Variants in TECR observed in about 807,000 individuals in gnomAD.
TECR encodes the protein trans-2,3-enoyl-CoA reductase.
In TECR, 19 loss-of-function variants were observed where a neutral mutation model predicts 50.6. The observed-to-expected ratio is 0.38, with a 90% confidence interval of 0.26 to 0.55. TECR has a LOEUF of 0.55. Among genes scored for constraint, TECR ranks in the 20% least tolerant of loss-of-function variants. The probability of loss-of-function intolerance (pLI) is 0.79; values close to 1 mark genes in which losing one functional copy is unlikely to be tolerated. For missense variants in TECR, 313 were observed against 408.3 expected (o/e 0.77, Z 2.01); for synonymous variants, 168 against 163.5 (o/e 1.03, Z -0.21).
At chr19:14,559,814 A>G (rs2073850635) in intron 1 of TECR, among the ~76,000 whole-genome samples, 1 of 150,976 alleles carries the variant, frequency 6.6e-6, no homozygotes, top group Non-Finnish European at 1.5e-5. Flanking sequence ...ATAGAGACAC[A>G]GGGAATTGCA....
At chr19:14,537,496 C>T (rs2072943990) in intron 1 of TECR, among the ~76,000 whole-genome samples, 1 of 152,036 alleles carries the variant, frequency 6.6e-6, no homozygotes, top group Non-Finnish European at 1.5e-5. Flanking sequence ...CTTGGAAAGG[C>T]CTTGCGACTC....
chr19:14,545,731 A>C (rs2073284920), intron 1 of TECR: 1 of 159,236 alleles, frequency 6.3e-6, no homozygotes, highest in African/African-American at 2.4e-5. Context: ...AGTGACAGAC[A>C]CCCCTGCACA....
At chr19:14,562,982 C>G (rs1235507853) in intron 2 of TECR, among the ~76,000 whole-genome samples, 1 of 152,014 alleles carries the variant, frequency 6.6e-6, no homozygotes, top group Admixed American at 6.6e-5. Flanking sequence ...GGGCTGGGGG[C>G]CTGCTGGCTG....
intron 1 of TECR, chr19:14,530,809 A>G (rs995201524): frequency 7.9e-5 from 12 of 152,192 alleles, no homozygotes; most frequent in South Asian, 4.1e-4. Context: ...CATCTTGACT[A>G]TTTTTAAGTG....
rs958992871 is a variant in TECR, at chr19:14,563,418, C to T, written c.118+161C>T. The T allele has an allele frequency of 3.6e-6, 3 of 844,450 alleles. No individual in the cohort carries two copies. Among genetic ancestry groups the T allele is most frequent in the Non-Finnish European group, 5.8e-6 (3 of 518,498 alleles). 52.3% of individuals were successfully genotyped at this position (844,450 alleles called of 1,614,324 possible). ...GACTGGGGCAGGCGCCTCCACGTGGCACTCCGCAGGAACGCCCTTGCTAGG... is the reference window on the plus strand; with the variant it reads ...GACTGGGGCAGGCGCCTCCACGTGGTACTCCGCAGGAACGCCCTTGCTAGG... On this transcript the variant is annotated intron_variant, in intron 3 of 12. Transcript: ENST00000215567. The surrounding 1 kb of genome is among the most constrained non-coding windows in gnomAD (Gnocchi z 5.3).
At chr19:14,557,672 G>A (rs971952955) in intron 1 of TECR, among the ~76,000 whole-genome samples, 1 of 151,482 alleles carries the variant, frequency 6.6e-6, no homozygotes, top group Non-Finnish European at 1.5e-5. Context: ...GGCTGGTCTT[G>A]AACTCCTGAC....
rs773191627 is a variant in TECR at position 14,564,793 on chromosome 19, C to T, written c.497C>T (p.Thr166Ile). Residue 166 changes from threonine to isoleucine, a missense_variant, in exon 8 of 13, where the codon ACC becomes ATC. Physicochemically the swap from Thr to Ile is moderately conservative, Grantham distance 89 (BLOSUM62 -1). Coordinates refer to ENST00000215567, the MANE Select transcript of TECR (RefSeq NM_138501.6). ...TGCCCTGCTCCCTTTCAGAACTGCACCTACTACTGGGGCTTCGCCGCGTGG... is the reference window on the plus strand; with the variant it reads ...TGCCCTGCTCCCTTTCAGAACTGCATCTACTACTGGGGCTTCGCCGCGTGG... ...MPLRNIFKNC[T>I]YYWGFAAWMA... 33 of 1,613,640 alleles carry T rather than the reference C, an allele frequency of 2.0e-5. No homozygotes were observed. The South Asian group carries it at 3.3e-4, about 16-fold the overall frequency.
intron 1 of TECR, among the ~76,000 whole-genome samples, chr19:14,555,434 T>C (rs1182014465): frequency 1.4e-5 from 2 of 147,730 alleles, no homozygotes; most frequent in Non-Finnish European, 3.0e-5. Flanking sequence ...TATTTTTATT[T>C]ATTCTTTTTT....
At chr19:14,538,063 T>A (rs1299417576) in intron 1 of TECR, among the ~76,000 whole-genome samples, 1 of 152,198 alleles carries the variant, frequency 6.6e-6, no homozygotes, top group Non-Finnish European at 1.5e-5. Context: ...GCTTCTTATC[T>A]AGTAACATAT....
intron 1 of TECR, among the ~76,000 whole-genome samples, chr19:14,539,610 C>G (rs1004565642): frequency 6.6e-6 from 1 of 152,106 alleles, no homozygotes; most frequent in Non-Finnish European, 1.5e-5. Flanking sequence ...CATCTGTCCC[C>G]TGCTTTCCTC....
At chr19:14,551,899 C>T (rs547984717) in intron 1 of TECR, among the ~76,000 whole-genome samples, 63 of 148,042 alleles carry the variant, frequency 4.3e-4, no homozygotes, top group African/African-American at 1.5e-3. Flanking sequence ...TTTCCTTTCT[C>T]TCTCTCTCTC....
intron 1 of TECR, among the ~76,000 whole-genome samples, chr19:14,539,005 G>A (rs1167663313): frequency 7.2e-6 from 1 of 139,842 alleles, no homozygotes; most frequent in South Asian, 2.3e-4. Context: ...ACAGAGTCTC[G>A]CTCCGTCACC....
At chr19:14,564,319 C>T (rs532980760) in intron 7 of TECR, 32 bp downstream of exon 7, 2 of 1,549,998 alleles carry the variant, frequency 1.3e-6, no homozygotes, top group African/African-American at 2.7e-5. Context: ...ACCCCTAAGC[C>T]CCGCCTTTCT....
At position 14,563,771 on chromosome 19, in the gene TECR, C is replaced by T. The variant is rs1387101933; in HGVS notation, c.164-29C>T. The T allele has an allele frequency of 1.9e-6, 3 of 1,612,322 alleles. No individual in the cohort carries two copies. Among genetic ancestry groups the T allele is most frequent in the African/African-American group, 2.7e-5 (2 of 74,888 alleles). ...TGGCAGTGGGAGAAGGCCCGGGTAG[C>T]CCCTGAGCCCTGGCCCGCCTCTCTG... On this transcript the variant is annotated intron_variant, in intron 4 of 12. Coordinates refer to ENST00000215567, the MANE Select transcript of TECR (RefSeq NM_138501.6). This position sits in a 1 kb window ranked among gnomAD's most constrained non-coding sequence, Gnocchi z 5.3.
At chr19:14,564,406 A>AC in intron 7 of TECR, 119 bp downstream of exon 7, 2 of 810,800 alleles carry the variant, frequency 2.5e-6, no homozygotes, top group South Asian at 3.0e-5. Context: ...GCAGAGCCCT[A>AC]CCCCTAGGCC....
Position 14,563,624 on chromosome 19 carries a change from G to A in TECR, c.119-34G>A, listed in dbSNP as rs199766984. 6.8e-6 allele frequency: 11 copies of A among 1,610,244 alleles called. No homozygotes were observed. The highest frequency in any genetic ancestry group is 9.3e-6 in the Non-Finnish European group (11 of 1,179,750). ...CAGCGGACCGGCTGAGCCCTGCCAG[G>A]CTGTGGGCTGTAACTGCCCTGTTCT... On this transcript the variant is annotated intron_variant, in intron 3 of 12. Transcript: ENST00000215567. This position sits in a 1 kb window ranked among gnomAD's most constrained non-coding sequence, Gnocchi z 5.3.
chr19:14,551,095 G>A (rs565328960), intron 1 of TECR, among the ~76,000 whole-genome samples: 1 of 150,812 alleles, frequency 6.6e-6, no homozygotes, highest in Admixed American at 6.6e-5. Flanking sequence ...TTTTTGATAT[G>A]GAGTCTTGCT....
At chr19:14,528,282 C>T (rs1194831855), upstream of TECR, among the ~76,000 whole-genome samples, 2 of 147,238 alleles carry the variant, frequency 1.4e-5, no homozygotes, top group Non-Finnish European at 3.0e-5. Context: ...GTCTGTTGCT[C>T]AGGCTGGAGT....
chr19:14,551,950 TC>T (rs2073532344), intron 1 of TECR, among the ~76,000 whole-genome samples: 1 of 96,172 alleles, frequency 1.0e-5, no homozygotes, highest in Non-Finnish European at 2.1e-5. Context: ...TCCCTCCCTC[TC>T]TCTCTCTCTC....
Sources: allele counts gnomAD v4.1 joint callset (sites outside exome capture counted in the v4.1 genomes callset), GRCh38; gene constraint gnomAD v4.1.1; non-coding constraint Gnocchi (gnomAD v3.1); transcripts MANE v1.5; gene names NCBI Gene and HGNC (gene_info 2026-07-23, HGNC 2026-07-21).